Variants in NOTCH1 observed in about 807,000 individuals in gnomAD.
NOTCH1 encodes notch receptor 1.
NOTCH1 carries 37 observed loss-of-function variants against 254.8 expected under a neutral mutation model. That is an observed-to-expected ratio of 0.15 (90% CI 0.11 to 0.19). NOTCH1 has a LOEUF of 0.19. Among genes scored for constraint, NOTCH1 ranks in the 10% least tolerant of loss-of-function variants. The pLI is 1.00. For synonymous variants in NOTCH1, 1,731 were observed against 1,618.1 expected, an observed-to-expected ratio of 1.07 and a Z score of -1.68; for missense variants, 2,972 against 3,708.6, an observed-to-expected ratio of 0.80 and a Z score of 5.16.
At position 136,540,330 on chromosome 9, in the gene NOTCH1, G is replaced by C. The variant is rs889627091; in HGVS notation, c.140+3694C>G. 4.6e-5 allele frequency among the ~76,000 whole-genome samples: 7 copies of C among 152,144 alleles called. No individual in the cohort carries two copies. Among genetic ancestry groups the C allele is most frequent in the Non-Finnish European group, 8.8e-5 (6 of 68,028 alleles). ...CGCTCAAACGTGTCTGTGAACTGGAGCCACCCTGGGAGATGGACTTCCCCG... is the reference window on the plus strand; with the variant it reads ...CGCTCAAACGTGTCTGTGAACTGGACCCACCCTGGGAGATGGACTTCCCCG... On this transcript the variant is annotated intron_variant, in intron 2 of 33. Coordinates refer to ENST00000651671, the MANE Select transcript of NOTCH1 (RefSeq NM_017617.5). This position sits in a 1 kb window ranked among gnomAD's most constrained non-coding sequence, Gnocchi z 4.4.
At chr9:136,516,783 G>A (rs560603156) in intron 9 of NOTCH1, among the ~76,000 whole-genome samples, 2 of 152,174 alleles carry the variant, frequency 1.3e-5, no homozygotes, top group East Asian at 3.9e-4. Flanking sequence ...GCTCCACCGC[G>A]ACCCCTGGGC....
In NOTCH1 at chr9:136,505,799, C is replaced by A. The variant is rs2133340935; in HGVS notation, c.4097G>T (p.Gly1366Val). 3 of 1,586,064 alleles carry A rather than the reference C, an allele frequency of 1.9e-6. No individual in the cohort carries two copies. Among genetic ancestry groups the A allele is most frequent in the Non-Finnish European group, 1.7e-6 (2 of 1,168,562 alleles). ...RCLNGGTCIS[G>V]PRSPTCLCLG... is the part of the protein sequence containing the mutation. ...GCACAGGCAGGTGGGGCTGCGCGGG[C>A]CGGAGATGCATGTGCCGCCGTTGAG... The change falls in exon 25 of 34, where the codon GGC (glycine) becomes GTC (valine). Residue 1366 changes from glycine (G) to valine (V), a missense_variant. Transcript: ENST00000651671.
chr9:136,527,559 G>A (rs903188725), intron 2 of NOTCH1, among the ~76,000 whole-genome samples: 1 of 152,176 alleles, frequency 6.6e-6, no homozygotes, highest in African/African-American at 2.4e-5. Flanking sequence ...GACCCCTCTG[G>A]GGCTAAAAAG....
rs2133343423 is a variant in NOTCH1 at position 136,506,780 on chromosome 9, A to C, written c.3837T>G (p.Arg1279=). The C allele has an allele frequency of 6.2e-7, 1 of 1,610,266 alleles. No individual in the cohort carries two copies. Among genetic ancestry groups the C allele is most frequent in the Non-Finnish European group, 8.5e-7 (1 of 1,178,792 alleles). ...NECLSNPCDA[R]GTQNCVQRVN... is the part of the protein sequence containing the mutation. The stretch of plus-strand genomic sequence containing the variant: ...CGCGCTGCACGCAGTTCTGGGTGCC[A>C]CGGGCGTCGCAGGGATTGGACAGGC... Residue 1279 remains arginine (R), a synonymous_variant, in exon 23 of 34, where the codon CGT becomes CGG. Coordinates refer to ENST00000651671, the MANE Select transcript of NOTCH1 (RefSeq NM_017617.5). The surrounding 1 kb of genome is among the most constrained non-coding windows in gnomAD (Gnocchi z 4.5).
Position 136,513,192 on chromosome 9 carries a change from C to A in NOTCH1, c.2354-58G>T, listed in dbSNP as rs974588456. 13 of 1,500,356 alleles carry A rather than the reference C, an allele frequency of 8.7e-6. No homozygotes were observed. Among genetic ancestry groups the A allele is most frequent in the Non-Finnish European group, 1.2e-5 (13 of 1,078,296 alleles). The allele number at this position is 1,500,356 out of a possible 1,614,324, so 92.9% of individuals were successfully genotyped here. A position where few individuals can be genotyped will look rare whatever the true frequency, so the allele number is the denominator to read the frequency against. On this transcript the variant is annotated intron_variant, in intron 14 of 33. Transcript: ENST00000651671. The surrounding 1 kb of genome is among the most constrained non-coding windows in gnomAD (Gnocchi z 4.7). ...AGCACTCCCAGGCACCTTGGCAGGGCCCCACAACAGCAGCCCTGGGCCTGC... is the reference window on the plus strand; with the variant it reads ...AGCACTCCCAGGCACCTTGGCAGGGACCCACAACAGCAGCCCTGGGCCTGC...
At chr9:136,503,944 G>C (rs1194633870) in intron 26 of NOTCH1, among the ~76,000 whole-genome samples, 3 of 152,238 alleles carry the variant, frequency 2.0e-5, no homozygotes, top group African/African-American at 7.2e-5. Flanking sequence ...AGTAGGCATG[G>C]GCGGGAGCCT....
In NOTCH1 at chr9:136,495,114, T is replaced by C. The variant is rs1842896433; in HGVS notation, c.*957A>G. 2.5e-6 allele frequency: 1 copy of C among 399,080 alleles called. No homozygotes were observed. Among genetic ancestry groups the C allele is most frequent in the Non-Finnish European group, 4.4e-6 (1 of 226,074 alleles). 24.7% of individuals were successfully genotyped at this position (399,080 alleles called of 1,614,324 possible). ...ATCTTCTTCGGAACCTGGGGGACACTGTGCAGGCTGAGGTGCTGGGGCCGC... is the reference window on the plus strand; with the variant it reads ...ATCTTCTTCGGAACCTGGGGGACACCGTGCAGGCTGAGGTGCTGGGGCCGC... On this transcript the variant is annotated 3_prime_UTR_variant, in exon 34 of 34. Coordinates refer to ENST00000651671, the MANE Select transcript of NOTCH1 (RefSeq NM_017617.5).
chr9:136,502,953 C>CCTGG, intron 27 of NOTCH1: 2 of 701,404 alleles, frequency 2.9e-6, no homozygotes. Flanking sequence ...AGCAGGCACC[C>CCTGG]ACTTTCCCGT....
chr9:136,534,213 G>A (rs943875036), intron 2 of NOTCH1, among the ~76,000 whole-genome samples: 2 of 152,220 alleles, frequency 1.3e-5, no homozygotes, highest in Admixed American at 6.5e-5. Context: ...CTGGGCCTTG[G>A]CTCAGGCTGG....
Position 136,497,574 on chromosome 9 carries a change from G to T in NOTCH1, c.6181-16C>A, listed in dbSNP as rs754919355. ...GTGTCTCCTCCTGGGGGATGAGGGC[G>T]GGGGCCGGTGAGGGGGGCCAGGCCA... On this transcript the variant is annotated splice_polypyrimidine_tract_variant and intron_variant, in intron 33 of 33. Coordinates refer to ENST00000651671, the MANE Select transcript of NOTCH1 (RefSeq NM_017617.5). 1.3e-6 allele frequency: 2 copies of T among 1,566,074 alleles called. No individual in the cohort carries two copies. The highest frequency in any genetic ancestry group is 4.6e-5 in the East Asian group (2 of 43,902).
intron 2 of NOTCH1, among the ~76,000 whole-genome samples, chr9:136,527,163 C>A (rs1395246608): frequency 1.3e-5 from 2 of 152,228 alleles, no homozygotes; most frequent in African/African-American, 2.4e-5. Flanking sequence ...TGTGCCCGCC[C>A]CAGTCTGTAC....
At chr9:136,538,319 C>T (rs1479796672) in intron 2 of NOTCH1, among the ~76,000 whole-genome samples, 1 of 152,106 alleles carries the variant, frequency 6.6e-6, no homozygotes, top group Admixed American at 6.5e-5. Flanking sequence ...CCGAGCCCAG[C>T]GCAGGCCTCG....
intron 21 of NOTCH1, 145 bp downstream of exon 21, chr9:136,507,810 A>C: frequency 1.1e-6 from 1 of 883,788 alleles, no homozygotes; most frequent in Non-Finnish European, 1.8e-6. Context: ...GTCTACCCTG[A>C]TTACCCCAGC....
rs769135138 is a variant in NOTCH1 at position 136,500,594 on chromosome 9, C to A, written c.5892G>T (p.Pro1964=). 2 of 1,611,918 alleles carry A rather than the reference C, an allele frequency of 1.2e-6. No individual in the cohort carries two copies. Among genetic ancestry groups the A allele is most frequent in the South Asian group, 1.1e-5 (1 of 91,074 alleles). The change falls in exon 31 of 34, where the codon CCG becomes CCT. Residue 1964 remains proline (P), a synonymous_variant. Transcript: ENST00000651671. ...ANIQDNMGRT[P]LHAAVSADAQ... is the part of the protein sequence containing the mutation. ...CGTCGGCAGACACAGCCGCATGCAG[C>A]GGGGTGCGGCCCATGTTGTCCTGGA... is the stretch of plus-strand genomic sequence containing the variant.
In NOTCH1 at chr9:136,505,115, C is replaced by T. The variant is rs778356792; in HGVS notation, c.4587-11G>A. On this transcript the variant is annotated splice_polypyrimidine_tract_variant and intron_variant, in intron 25 of 33. Transcript: ENST00000651671. ...TGGTCGTACAGGGGGCTGTGGGGGG[C>T]GGGACACGCTCAGGCCGCCTTCCTC... 1.9e-5 allele frequency: 30 copies of T among 1,605,766 alleles called. No homozygotes were observed. The highest frequency in any genetic ancestry group is 3.3e-5 in the Admixed American group (2 of 59,886).
In NOTCH1 at chr9:136,505,854, C is replaced by G. The variant is rs1169329206; in HGVS notation, c.4042G>C (p.Asp1348His). The G allele has an allele frequency of 6.3e-7, 1 of 1,594,972 alleles. No individual in the cohort carries two copies. Among genetic ancestry groups the G allele is most frequent in the East Asian group, 2.2e-5 (1 of 44,740 alleles). The stretch of plus-strand genomic sequence containing the variant: ...CGCAGGCTGCCGCAGGTACGAGCGT[C>G]ATTCTCACACGTGGCGCCCTCGAAG... ...AGFEGATCEN[D>H]ARTCGSLRCL... The change falls in exon 25 of 34, where the codon GAC becomes CAC. Residue 1348 changes from aspartate (D) to histidine (H), a missense_variant. Asp to His is a moderately conservative substitution (Grantham distance 81). Transcript: ENST00000651671.
rs199786076 is a variant in NOTCH1 at position 136,499,001 on chromosome 9, G to A, written c.6083-5C>T. 93 of 1,613,244 alleles carry A rather than the reference G, an allele frequency of 5.8e-5. No individual in the cohort carries two copies. Among genetic ancestry groups the A allele is most frequent in the Admixed American group, 2.0e-4 (12 of 60,036 alleles). ...CCCAGTGCAGGGCGGACTTGCCTGC[G>A]TGAAAGAAGCAGATGGGGTAGGTTG... is the stretch of plus-strand genomic sequence containing the variant. On this transcript the variant is annotated splice_polypyrimidine_tract_variant and splice_region_variant and intron_variant, in intron 32 of 33. Coordinates refer to ENST00000651671, the MANE Select transcript of NOTCH1 (RefSeq NM_017617.5).
At chr9:136,500,901 C>A in intron 30 of NOTCH1, 54 bp from the exon 31 acceptor site, 1 of 1,523,968 alleles carries the variant, frequency 6.6e-7, no homozygotes, top group Non-Finnish European at 8.8e-7. Context: ...CAGCTGCAGC[C>A]CAGGGGGAGG....
chr9:136,526,547 C>T (rs147137897), intron 2 of NOTCH1, among the ~76,000 whole-genome samples: 1 of 152,296 alleles, frequency 6.6e-6, no homozygotes, highest in Non-Finnish European at 1.5e-5. Context: ...CATCCCACAG[C>T]TTTAGGGGAC....
Sources: allele counts gnomAD v4.1 joint callset (sites outside exome capture counted in the v4.1 genomes callset), GRCh38; gene constraint gnomAD v4.1.1; non-coding constraint Gnocchi (gnomAD v3.1); transcripts MANE v1.5; gene names NCBI Gene and HGNC (gene_info 2026-07-23, HGNC 2026-07-21).